The following STK4 variants were observed in gnomAD, a reference collection of about 807,000 sequenced individuals.
The protein encoded by STK4 is serine/threonine-protein kinase 4.
STK4 carries 30 observed loss-of-function variants against 64.9 expected under a neutral mutation model. The observed-to-expected ratio is 0.46, with a 90% CI of 0.35 to 0.63. STK4 has a LOEUF of 0.63. Among genes scored for constraint, STK4 ranks in the 20% least tolerant of loss-of-function variants. STK4 has a pLI of 0.01. For synonymous variants in STK4, 177 were observed against 199.0 expected (o/e 0.89, Z 0.93); for missense variants, 466 against 598.5 (o/e 0.78, Z 2.31).
intron 4 of STK4, among the ~76,000 whole-genome samples, chr20:44,984,872 G>A (rs6031912): frequency 0.52 from 78,475 of 151,576 alleles, 21,383 homozygotes; most frequent in African/African-American, 0.66. Context: ...TGTTGGAACT[G>A]CTGGGCTCAA....
chr20:45,044,466 T>A (rs1172325237), intron 10 of STK4, among the ~76,000 whole-genome samples: 1 of 151,992 alleles, frequency 6.6e-6, no homozygotes, highest in East Asian at 1.9e-4. Context: ...GGCAACATAG[T>A]GAGACCCCAT....
chr20:45,028,510 A>G (rs2068391883), intron 10 of STK4, among the ~76,000 whole-genome samples: 1 of 151,946 alleles, frequency 6.6e-6, no homozygotes, highest in African/African-American at 2.4e-5. Context: ...AATTTTTTCC[A>G]AAGATGAGGT....
chr20:45,042,120 T>G (rs2068622970), intron 10 of STK4, among the ~76,000 whole-genome samples: 1 of 152,230 alleles, frequency 6.6e-6, no homozygotes, highest in Non-Finnish European at 1.5e-5. Flanking sequence ...GCACAGTTTT[T>G]AGTTTTCAGC....
At chr20:45,065,011 CCTTGA>C (rs1045162870) in intron 10 of STK4, among the ~76,000 whole-genome samples, 1 of 152,072 alleles carries the variant, frequency 6.6e-6, no homozygotes, top group Non-Finnish European at 1.5e-5. Context: ...GAAAGGGCAT[CCTTGA>C]CTTGTTCTGG....
intron 5 of STK4, among the ~76,000 whole-genome samples, chr20:44,991,658 G>C (rs1394866046): frequency 6.6e-6 from 1 of 151,590 alleles, no homozygotes; most frequent in Non-Finnish European, 1.5e-5. Flanking sequence ...ATTGAATGTT[G>C]TACTTTTTTT....
At chr20:44,978,133 G>C (rs1044923592) in intron 2 of STK4, among the ~76,000 whole-genome samples, 1 of 152,112 alleles carries the variant, frequency 6.6e-6, no homozygotes, top group African/African-American at 2.4e-5. Flanking sequence ...ATTTTTTGTA[G>C]GAATGAATTG....
At chr20:45,031,174 AT>A (rs11476805) in intron 10 of STK4, among the ~76,000 whole-genome samples, 65,584 of 149,134 alleles carry the variant, frequency 0.44, 14,724 homozygotes, top group Middle Eastern at 0.55. Flanking sequence ...ATAATAGCGA[AT>A]TTTTTTTTTT....
chr20:45,019,197 C>G (rs767676528), intron 9 of STK4, among the ~76,000 whole-genome samples: 1 of 152,164 alleles, frequency 6.6e-6, no homozygotes, highest in Admixed American at 6.5e-5. Context: ...TGTTAGCAGT[C>G]ACTTCTCATT....
chr20:45,047,956 G>T (rs2145432107), intron 10 of STK4, among the ~76,000 whole-genome samples: 1 of 152,208 alleles, frequency 6.6e-6, no homozygotes, highest in Non-Finnish European at 1.5e-5. Flanking sequence ...AAACTCTCTT[G>T]GTCTTTGTTT....
chr20:45,009,973 A>G (rs1043479728), intron 9 of STK4, among the ~76,000 whole-genome samples: 1 of 152,176 alleles, frequency 6.6e-6, no homozygotes, highest in African/African-American at 2.4e-5. Context: ...TTGTCAGTAA[A>G]GAGAGATAGT....
chr20:44,977,636 T>C (rs543080215), intron 2 of STK4, among the ~76,000 whole-genome samples: 8 of 152,322 alleles, frequency 5.3e-5, no homozygotes, highest in Admixed American at 1.3e-4. Context: ...AAATGATAGC[T>C]AAATGTAGTG....
rs563420477 is a variant in STK4, at chr20:45,073,905, A to G, written c.1306-1113A>G. Among the ~76,000 whole-genome samples, 4 of 152,328 alleles carry G rather than the reference A, an allele frequency of 2.6e-5. No individual in the cohort carries two copies. The South Asian group carries it at 6.2e-4, about 24-fold the overall frequency. On this transcript the variant is annotated intron_variant, in intron 10 of 10. Coordinates refer to ENST00000372806, the MANE Select transcript of STK4 (RefSeq NM_006282.5). ...GCCGTGATCTTATTTAATTCTTACA[A>G]TACATGTGATGAGACACTGCTGTCT...
intron 10 of STK4, among the ~76,000 whole-genome samples, chr20:45,053,914 T>C (rs1385473905): frequency 1.3e-5 from 2 of 151,678 alleles, no homozygotes; most frequent in African/African-American, 4.9e-5. Context: ...TTTTTGTTTT[T>C]TTTTTCAGCC....
intron 10 of STK4, among the ~76,000 whole-genome samples, chr20:45,062,200 C>A (rs35179792): frequency 0.12 from 18,908 of 151,976 alleles, 1,540 homozygotes; most frequent in East Asian, 0.22. Context: ...TTTTTCTGTT[C>A]CTGTGTTAGT....
At chr20:44,968,718 CCTG>C (rs1203604916) in intron 1 of STK4, among the ~76,000 whole-genome samples, 2 of 152,200 alleles carry the variant, frequency 1.3e-5, no homozygotes, top group African/African-American at 2.4e-5. Context: ...CATGCTCATT[CCTG>C]TACCTTTTGG....
intron 10 of STK4, among the ~76,000 whole-genome samples, chr20:45,073,324 C>T (rs1980241198): frequency 6.6e-6 from 1 of 152,060 alleles, no homozygotes; most frequent in Admixed American, 6.6e-5. Context: ...TCTCACATTA[C>T]AAAGAACCTT....
chr20:45,053,022 T>G (rs1374791598), intron 10 of STK4: 1 of 1,272,324 alleles, frequency 7.9e-7, no homozygotes, highest in Non-Finnish European at 1.1e-6. Context: ...TGGTTTAAAG[T>G]ATGTTGAGAC....
chr20:45,000,403 C>T lies in STK4; in HGVS notation c.843C>T (p.Val281=). Reference sequence around the variant, plus strand: ...CTTTGTTCTTTTAGCACCCATTTGTCAGGAGTGCCAAAGGAGTGTCAATAC... The same window carrying T: ...CTTTGTTCTTTTAGCACCCATTTGTTAGGAGTGCCAAAGGAGTGTCAATAC... The part of the protein sequence containing the change: ...TATQLLQHPF[V]RSAKGVSILR... The change falls in exon 8 of 11, where the codon GTC becomes GTT. Residue 281 remains valine, a synonymous_variant. Coordinates refer to ENST00000372806, the MANE Select transcript of STK4 (RefSeq NM_006282.5). The T allele has an allele frequency of 6.2e-7, 1 of 1,613,756 alleles. No homozygotes were observed. Among genetic ancestry groups the T allele is most frequent in the Non-Finnish European group, 8.5e-7 (1 of 1,179,806 alleles).
intron 10 of STK4, among the ~76,000 whole-genome samples, chr20:45,070,885 C>CAAA (rs34886047): frequency 5.5e-5 from 6 of 108,806 alleles, no homozygotes; most frequent in Non-Finnish European, 5.7e-5. Flanking sequence ...GACTCCGTCT[C>CAAA]AAAAAAAAAA....
Sources: gnomAD v4.1 joint callset for allele counts (sites outside exome capture counted in the v4.1 genomes callset) on GRCh38, gnomAD v4.1.1 for gene constraint, MANE v1.5 for transcripts, NCBI Gene and HGNC (gene_info 2026-07-23, HGNC 2026-07-21) for gene names.